Variants in ARHGEF4 observed in about 807,000 individuals in gnomAD.
The protein encoded by ARHGEF4 is Rho guanine nucleotide exchange factor 4.
In ARHGEF4, 119 loss-of-function variants were observed where a neutral mutation model predicts 162.0. That is an observed-to-expected ratio of 0.73 (90% CI 0.63 to 0.86). The LOEUF (loss-of-function observed/expected upper bound fraction) is 0.86, where lower values mean the gene tolerates loss of function less well. Among genes scored for constraint, ARHGEF4 ranks in the 40% least tolerant of loss-of-function variants. The pLI is 0.00. For synonymous variants in ARHGEF4, 1,014 were observed against 979.9 expected (o/e 1.03, Z -0.65); for missense variants, 2,488 against 2,456.0 (o/e 1.01, Z -0.28).
At chr2:130,885,476 C>G (rs539341966) in intron 1 of ARHGEF4, among the ~76,000 whole-genome samples, 1 of 150,848 alleles carries the variant, frequency 6.6e-6, no homozygotes, top group Admixed American at 6.6e-5. Flanking sequence ...AATACTGTTA[C>G]AATGGCAACT....
At chr2:130,839,575 C>T (rs1295094184) in intron 1 of ARHGEF4, among the ~76,000 whole-genome samples, 1 of 152,170 alleles carries the variant, frequency 6.6e-6, no homozygotes, top group East Asian at 1.9e-4. Flanking sequence ...GGCAGAGTCC[C>T]TCCCCGTGCA....
At chr2:130,962,659 A>G (rs1281167976) in intron 4 of ARHGEF4, among the ~76,000 whole-genome samples, 1 of 152,124 alleles carries the variant, frequency 6.6e-6, no homozygotes, top group East Asian at 1.9e-4. Flanking sequence ...CCAAATGCCC[A>G]GTTTTCTAGC....
intron 3 of ARHGEF4, among the ~76,000 whole-genome samples, chr2:130,936,962 C>G (rs1306184287): frequency 7.8e-6 from 1 of 128,026 alleles, no homozygotes; most frequent in African/African-American, 3.0e-5. Context: ...GGCTGGAGCA[C>G]GATGGTGCAA....
At chr2:130,901,878 C>T (rs1420464741) in intron 1 of ARHGEF4, among the ~76,000 whole-genome samples, 1 of 152,166 alleles carries the variant, frequency 6.6e-6, no homozygotes, top group Non-Finnish European at 1.5e-5. Flanking sequence ...CAACGGTCTC[C>T]CTGTCCTAAA....
intron 4 of ARHGEF4, among the ~76,000 whole-genome samples, chr2:131,020,961 G>A (rs1689086814): frequency 6.6e-6 from 1 of 152,174 alleles, no homozygotes; most frequent in Non-Finnish European, 1.5e-5. Context: ...ATTTTTTCAT[G>A]TGTCTTTTGG....
At chr2:130,907,208 C>CTTT (rs70994720) in intron 1 of ARHGEF4, among the ~76,000 whole-genome samples, 38 of 87,274 alleles carry the variant, frequency 4.4e-4, no homozygotes, top group African/African-American at 5.6e-4. Flanking sequence ...TAGTTTGTCC[C>CTTT]TTTTTTTTTT....
At chr2:130,876,222 G>A (rs532855479) in intron 1 of ARHGEF4, among the ~76,000 whole-genome samples, 1 of 152,178 alleles carries the variant, frequency 6.6e-6, no homozygotes. Context: ...GGCACAGGCG[G>A]CCTAGGGTTT....
intron 4 of ARHGEF4, among the ~76,000 whole-genome samples, chr2:130,958,502 C>T (rs539061894): frequency 6.6e-6 from 1 of 151,748 alleles, no homozygotes; most frequent in African/African-American, 2.4e-5. Context: ...CTCCGCCCCC[C>T]CGATCCGAGC....
chr2:130,875,339 A>T (rs893951122), intron 1 of ARHGEF4, among the ~76,000 whole-genome samples: 2 of 152,154 alleles, frequency 1.3e-5, no homozygotes, highest in African/African-American at 4.8e-5. Context: ...CTACTGTCTG[A>T]GTCAGTTTTC....
At chr2:130,866,018 T>C (rs979044934) in intron 1 of ARHGEF4, among the ~76,000 whole-genome samples, 3 of 152,168 alleles carry the variant, frequency 2.0e-5, no homozygotes, top group African/African-American at 7.2e-5. Flanking sequence ...GGGTCTTTTC[T>C]TCATGTGCTG....
chr2:131,013,158 G>A (rs1474105670), intron 4 of ARHGEF4, among the ~76,000 whole-genome samples: 2 of 152,074 alleles, frequency 1.3e-5, no homozygotes, highest in Non-Finnish European at 1.5e-5. Flanking sequence ...GCCGCAGTGT[G>A]GATAGAGGCC....
chr2:130,911,745 T>C (rs1202434900), intron 1 of ARHGEF4, among the ~76,000 whole-genome samples: 2 of 152,140 alleles, frequency 1.3e-5, no homozygotes, highest in Admixed American at 6.5e-5. Context: ...CAAAATAACC[T>C]GGAACTCAGA....
intron 1 of ARHGEF4, among the ~76,000 whole-genome samples, chr2:130,840,917 A>G (rs1680557121): frequency 1.3e-5 from 2 of 152,160 alleles, no homozygotes; most frequent in Admixed American, 6.5e-5. Context: ...CTACAACTCA[A>G]GGAGTTTTGG....
chr2:130,994,021 C>T (rs1328672023), intron 4 of ARHGEF4, among the ~76,000 whole-genome samples: 1 of 152,172 alleles, frequency 6.6e-6, no homozygotes, highest in African/African-American at 2.4e-5. Flanking sequence ...CTCAGGTGAT[C>T]CACCTGCCTC....
At chr2:130,970,489 T>C (rs1685283966) in intron 4 of ARHGEF4, among the ~76,000 whole-genome samples, 1 of 150,454 alleles carries the variant, frequency 6.6e-6, no homozygotes, top group African/African-American at 2.5e-5. Context: ...CTCGGCAGGC[T>C]GAGGCAGGAG....
At chr2:130,923,126 C>T (rs1559042305) in intron 2 of ARHGEF4, among the ~76,000 whole-genome samples, 1 of 152,148 alleles carries the variant, frequency 6.6e-6, no homozygotes, top group Non-Finnish European at 1.5e-5. Flanking sequence ...AGATGGGTTT[C>T]GCCATATTGG....
At chr2:130,949,576 G>A (rs560680131) in intron 4 of ARHGEF4, among the ~76,000 whole-genome samples, 24 of 152,112 alleles carry the variant, frequency 1.6e-4, no homozygotes, top group South Asian at 4.2e-4. Flanking sequence ...GGGTGGTCTC[G>A]ATCTCCTGAC....
At chr2:130,910,282 A>G (rs1191737756) in intron 1 of ARHGEF4, among the ~76,000 whole-genome samples, 6 of 152,222 alleles carry the variant, frequency 3.9e-5, no homozygotes, top group Admixed American at 1.3e-4. Context: ...CCTAAAGAAC[A>G]TTGAAAGATT....
rs1682619820 is a variant in ARHGEF4 at position 130,931,324 on chromosome 2, T to C, written c.3858+67T>C. The C allele has an allele frequency of 2.7e-6, 4 of 1,465,190 alleles. No homozygotes were observed. The Admixed American group carries it at 9.4e-5, about 34-fold the overall frequency. 90.8% of individuals were successfully genotyped at this position (1,465,190 alleles called of 1,614,324 possible). A position where few individuals can be genotyped will look rare whatever the true frequency, so the allele number is the denominator to read the frequency against. On this transcript the variant is annotated intron_variant, in intron 3 of 13. Coordinates refer to ENST00000409359, the MANE Select transcript of ARHGEF4 (RefSeq NM_001367493.1). ...ATCCCCTTCTCTCTGCAGCTGCCTG[T>C]TGCTTCCTGAGCTTTTGCCTGACTC...
Sources: allele counts gnomAD v4.1 joint callset (sites outside exome capture counted in the v4.1 genomes callset), GRCh38; gene constraint gnomAD v4.1.1; transcripts MANE v1.5; gene names NCBI Gene and HGNC (gene_info 2026-07-23, HGNC 2026-07-21).